PDLIM7: variants seen among roughly 807,000 people sequenced by gnomAD.
PDLIM7 encodes PDZ and LIM domain 7.
PDLIM7 carries 37 observed loss-of-function variants against 53.9 expected under a neutral mutation model. The ratio of observed to expected loss-of-function variants is 0.69; its 90% CI spans 0.53 to 0.90. The LOEUF (loss-of-function observed/expected upper bound fraction) is 0.90. Ranked by LOEUF, PDLIM7 falls within the 40% of genes least tolerant of loss-of-function variation. The probability of loss-of-function intolerance (pLI) is 0.00; values close to 1 mark genes in which losing one functional copy is unlikely to be tolerated. For missense variants in PDLIM7, 617 were observed against 638.5 expected (o/e 0.97, Z 0.36); for synonymous variants, 300 against 261.3 (o/e 1.15, Z -1.43).
chr5:177,487,019 C>G (rs1362905131), intron 10 of PDLIM7, among the ~76,000 whole-genome samples: 1 of 143,802 alleles, frequency 7.0e-6, no homozygotes, highest in African/African-American at 2.6e-5. Flanking sequence ...ACTGCAACCT[C>G]CACCTCTCAA....
chr5:177,492,023 G>GGC, intron 4 of PDLIM7, 98 bp from the exon 5 acceptor site: 1 of 514,350 alleles, frequency 1.9e-6, no homozygotes, highest in Non-Finnish European at 3.2e-6. Context: ...GGCAGCTCCA[G>GGC]CCCCCCACCC....
At chr5:177,486,931 C>CTTT (rs60583245) in intron 10 of PDLIM7, among the ~76,000 whole-genome samples, 4 of 48,728 alleles carry the variant, frequency 8.2e-5, no homozygotes, top group African/African-American at 1.4e-4. Flanking sequence ...GTGCCTGGCC[C>CTTT]TTTTTTTTTT....
chr5:177,486,205 C>T (rs1758429488), intron 10 of PDLIM7, among the ~76,000 whole-genome samples: 1 of 152,070 alleles, frequency 6.6e-6, no homozygotes. Context: ...AGGCATGAGC[C>T]ACTGCATCAT....
At position 177,488,938 on chromosome 5, in the gene PDLIM7, C is replaced by T. The variant is rs117937550; in HGVS notation, c.869+455G>A. Reference sequence around the variant, plus strand: ...CAGAGATGAGAGCAGGCCAGGCCTGCGAATTAGGAAGGCTCTAGAATCCGG... The same window carrying T: ...CAGAGATGAGAGCAGGCCAGGCCTGTGAATTAGGAAGGCTCTAGAATCCGG... On this transcript the variant is annotated intron_variant, in intron 9 of 12. Transcript: ENST00000355841. 3.5e-4 allele frequency among the ~76,000 whole-genome samples: 53 copies of T among 149,590 alleles called. No individual in the cohort carries two copies. The East Asian group carries it at 0.01, about 29-fold the overall frequency.
chr5:177,489,335 A>G, intron 9 of PDLIM7, 58 bp downstream of exon 9: 1 of 1,291,714 alleles, frequency 7.7e-7, no homozygotes. Context: ...GTGGGCAGAC[A>G]GGTGGGGCTG....
chr5:177,491,080 C>T lies in PDLIM7; in HGVS notation c.465G>A (p.Trp155Ter). The change falls in exon 6 of 13, where the codon TGG becomes TGA. Residue 155 changes from tryptophan (W) to a stop codon, truncating the protein, a stop_gained. Transcript: ENST00000355841. LOFTEE classifies it high-confidence loss of function. ...KQRLMENTEDWRPRPGTGQSR... is the reference protein window; with the variant it reads ...KQRLMENTED Reference sequence around the variant, plus strand: ...ACTGGCCTGTCCCCGGCCGCGGCCGCCAGTCCTCTGTGTTCTCCATCAGCC... The same window carrying T: ...ACTGGCCTGTCCCCGGCCGCGGCCGTCAGTCCTCTGTGTTCTCCATCAGCC... 1 of 1,612,242 alleles carries T rather than the reference C, an allele frequency of 6.2e-7. No homozygotes were observed. Among genetic ancestry groups the T allele is most frequent in the Non-Finnish European group, 8.5e-7 (1 of 1,179,454 alleles).
intron 10 of PDLIM7, 37 bp downstream of exon 10, chr5:177,488,031 G>C (rs1758550035): frequency 6.5e-7 from 1 of 1,548,834 alleles, no homozygotes; most frequent in African/African-American, 1.4e-5. Context: ...CCACTGACAG[G>C]CTTGGGACCA....
At chr5:177,490,239 G>A in intron 7 of PDLIM7, 1 of 1,448,958 alleles carries the variant, frequency 6.9e-7, no homozygotes, top group Non-Finnish European at 9.0e-7. Flanking sequence ...AAGACAGGCA[G>A]AGCAAGCAGG....
chr5:177,489,453 G>C lies in PDLIM7; in HGVS notation c.809C>G (p.Pro270Arg), dbSNP rs778635224. The C allele has an allele frequency of 1.2e-6, 2 of 1,604,574 alleles. No homozygotes were observed. Among genetic ancestry groups the C allele is most frequent in the South Asian group, 2.2e-5 (2 of 89,386 alleles). The change falls in exon 9 of 13, where the codon CCA (proline) becomes CGA (arginine). Residue 270 changes from proline to arginine, a missense_variant. Transcript: ENST00000355841. ...CTTGCCGTTGTTGCTGCCCCCTCCTGGCACCCCTCCGGCAGCTGCCTGCAC... is the reference window on the plus strand; with the variant it reads ...CTTGCCGTTGTTGCTGCCCCCTCCTCGCACCCCTCCGGCAGCTGCCTGCAC... Reference protein sequence around the residue: ...SIVQAAAGGVPGGGSNNGKTP... With the variant: ...SIVQAAAGGVRGGGSNNGKTP...
Position 177,488,103 on chromosome 5 carries a change from G to A in PDLIM7, c.1015C>T (p.Pro339Ser), listed in dbSNP as rs1758553974. ...TTCTTCTTGCACTTGGCACAGCTGG[G>A]TGCATAGCGCACGTCATAGCATGGT... ...CPPCYDVRYAPSCAKCKKKIT... is the reference protein window; with the variant it reads ...CPPCYDVRYASSCAKCKKKIT... Residue 339 changes from proline (P) to serine (S), a missense_variant, in exon 10 of 13, where the codon CCC becomes TCC. Physicochemically the swap from Pro to Ser is moderately conservative, Grantham distance 74. Coordinates refer to ENST00000355841, the MANE Select transcript of PDLIM7 (RefSeq NM_005451.5). 1 of 1,611,166 alleles carries A rather than the reference G, an allele frequency of 6.2e-7. No homozygotes were observed. Among genetic ancestry groups the A allele is most frequent in the Non-Finnish European group, 8.5e-7 (1 of 1,178,950 alleles).
At position 177,496,480 on chromosome 5, in the gene PDLIM7, T is replaced by C. The variant is rs1759077456; in HGVS notation, c.33A>G (p.Pro11=). The C allele has an allele frequency of 6.2e-7, 1 of 1,603,808 alleles. No individual in the cohort carries two copies. Among genetic ancestry groups the C allele is most frequent in the Admixed American group, 1.7e-5 (1 of 58,744 alleles). MDSFKVVLEG[P]APWGFRLQGG... is the part of the protein sequence containing the mutation. The stretch of plus-strand genomic sequence containing the variant: ...CTTGCAGCCGGAAGCCCCAAGGTGC[T>C]GGCCCCTCCAGCACTACTTTGAAGG... Residue 11 remains proline (P), a synonymous_variant, in exon 2 of 13, where the codon CCA becomes CCG. Transcript: ENST00000355841.
chr5:177,492,664 C>T lies in PDLIM7; in HGVS notation c.110G>A (p.Gly37Asp). The change falls in exon 3 of 13, where the codon GGC (glycine) becomes GAC (aspartate). Residue 37 changes from glycine to aspartate, a missense_variant. Physicochemically the swap from Gly to Asp is moderately conservative, Grantham distance 94. Coordinates refer to ENST00000355841, the MANE Select transcript of PDLIM7 (RefSeq NM_005451.5). ...GGCCACTCCGGCCTGCGCCGCTTTG[C>T]CCCCAGGAGTGAGCTGTGGAGAGAG... ...PLSISRLTPG[G>D]KAAQAGVAVG... 6.2e-7 allele frequency: 1 copy of T among 1,605,292 alleles called. No individual in the cohort carries two copies. The highest frequency in any genetic ancestry group is 8.5e-7 in the Non-Finnish European group (1 of 1,179,832).
intron 1 of PDLIM7, chr5:177,497,019 G>A (rs1315105508): frequency 3.2e-5 from 2 of 63,450 alleles, no homozygotes; most frequent in African/African-American, 9.2e-5. Context: ...GGGGGGGGGA[G>A]GGGAGGGGAG....
intron 12 of PDLIM7, 65 bp downstream of exon 12, chr5:177,483,802 A>C (rs1364431556): frequency 1.9e-6 from 3 of 1,584,124 alleles, no homozygotes; most frequent in Non-Finnish European, 1.7e-6. Flanking sequence ...CTTCTCCTGC[A>C]TCTCCTGGGG....
rs746354877 is a variant in PDLIM7 at position 177,483,848 on chromosome 5, C to T, written c.1287+19G>A. 9 of 1,608,454 alleles carry T rather than the reference C, an allele frequency of 5.6e-6. No individual in the cohort carries two copies. The highest frequency in any genetic ancestry group is 2.7e-5 in the African/African-American group (2 of 74,728). ...GGGCCGGTGGGCTTGGGGCTCAGTT[C>T]GAGGGGCGGGGCTCTCACCGCACAG... is the stretch of plus-strand genomic sequence containing the variant. On this transcript the variant is annotated intron_variant, in intron 12 of 12. Coordinates refer to ENST00000355841, the MANE Select transcript of PDLIM7 (RefSeq NM_005451.5).
At chr5:177,496,103 G>C (rs916644863) in intron 2 of PDLIM7, among the ~76,000 whole-genome samples, 2 of 152,120 alleles carry the variant, frequency 1.3e-5, no homozygotes, top group African/African-American at 4.8e-5. Context: ...GCCACCTCAA[G>C]TTTAGATACC....
chr5:177,483,590 G>C lies in PDLIM7; in HGVS notation c.*54C>G. 7.5e-7 allele frequency: 1 copy of C among 1,336,514 alleles called. No individual in the cohort carries two copies. The highest frequency in any genetic ancestry group is 1.1e-6 in the Non-Finnish European group (1 of 942,642). 82.8% of individuals were successfully genotyped at this position (1,336,514 alleles called of 1,614,324 possible). On this transcript the variant is annotated 3_prime_UTR_variant, in exon 13 of 13. Transcript: ENST00000355841. ...GCCCTACCCAGAAATGCAGGGCCACGACTCCAGGCCCCTCAGGCTAGGGGC... is the reference window on the plus strand; with the variant it reads ...GCCCTACCCAGAAATGCAGGGCCACCACTCCAGGCCCCTCAGGCTAGGGGC...
rs771306853 is a variant in PDLIM7 at position 177,492,521 on chromosome 5, C to A, written c.248+5G>T. On this transcript the variant is annotated splice_donor_5th_base_variant and intron_variant, in intron 3 of 12. Coordinates refer to ENST00000355841, the MANE Select transcript of PDLIM7 (RefSeq NM_005451.5). ...GGGCGCACCCATCCATGTCCACCCG[C>A]ATACCTGCTGAGGCCCAGGCTGAGG... 1.2e-6 allele frequency: 2 copies of A among 1,613,766 alleles called. No individual in the cohort carries two copies. Among genetic ancestry groups the A allele is most frequent in the South Asian group, 2.2e-5 (2 of 91,072 alleles).
rs1758558635 is a variant in PDLIM7 at position 177,488,173 on chromosome 5, C to T, written c.945G>A (p.Leu315=). 6.2e-7 allele frequency: 1 copy of T among 1,613,402 alleles called. No homozygotes were observed. Among genetic ancestry groups the T allele is most frequent in the Non-Finnish European group, 8.5e-7 (1 of 1,179,976 alleles). ...TCTCCTCAAAGAAGCCACCCTCTTCCAGGACCTTCCCACACTGGCTACACA... is the reference window on the plus strand; with the variant it reads ...TCTCCTCAAAGAAGCCACCCTCTTCTAGGACCTTCCCACACTGGCTACACA... ...EFVCSQCGKV[L]EEGGFFEEKG... is the part of the protein sequence containing the mutation. The change falls in exon 10 of 13, where the codon CTG becomes CTA. Residue 315 remains leucine, a synonymous_variant. Coordinates refer to ENST00000355841, the MANE Select transcript of PDLIM7 (RefSeq NM_005451.5).
Sources: allele counts gnomAD v4.1 joint callset (sites outside exome capture counted in the v4.1 genomes callset), GRCh38; gene constraint gnomAD v4.1.1; transcripts MANE v1.5; gene names NCBI Gene and HGNC (gene_info 2026-07-23, HGNC 2026-07-21).